HS6ST3: variants seen among roughly 807,000 people sequenced by gnomAD.
HS6ST3 encodes heparan-sulfate 6-O-sulfotransferase 3.
Under a neutral mutation model 36.7 loss-of-function variants are expected in HS6ST3, and 12 were observed. The ratio of observed to expected loss-of-function variants is 0.33; its 90% CI spans 0.21 to 0.53. HS6ST3 has a LOEUF of 0.53. Ranked by LOEUF, HS6ST3 falls within the 20% of genes least tolerant of loss-of-function variation. The probability of loss-of-function intolerance (pLI) is 0.95; values close to 1 mark genes in which losing one functional copy is unlikely to be tolerated. For synonymous variants in HS6ST3, 240 were observed against 257.5 expected, an observed-to-expected ratio of 0.93 and a Z score of 0.65; for missense variants, 584 against 640.9, an observed-to-expected ratio of 0.91 and a Z score of 0.96.
chr13:96,489,688 A>G (rs998925863), intron 1 of HS6ST3, among the ~76,000 whole-genome samples: 16 of 152,230 alleles, frequency 1.1e-4, no homozygotes, highest in African/African-American at 3.6e-4. Context: ...ACATTTTTTA[A>G]GAGTTTCCTA....
At chr13:96,124,425 C>T (rs1329280183) in intron 1 of HS6ST3, among the ~76,000 whole-genome samples, 4 of 151,994 alleles carry the variant, frequency 2.6e-5, no homozygotes, top group African/African-American at 9.7e-5. Flanking sequence ...TGACACATCT[C>T]CTTTCTTATT....
At chr13:96,197,587 G>A (rs1051824251) in intron 1 of HS6ST3, among the ~76,000 whole-genome samples, 10 of 152,284 alleles carry the variant, frequency 6.6e-5, no homozygotes, top group South Asian at 2.1e-4. Flanking sequence ...AGTCTCATCT[G>A]AGACAAGGCA....
rs373636978 is a variant in HS6ST3, at chr13:96,132,210, A to C, written c.707+40641A>C. Among the ~76,000 whole-genome samples, 26 of 151,708 alleles carry C rather than the reference A, an allele frequency of 1.7e-4. No homozygotes were observed. The East Asian group carries it at 3.7e-3, about 22-fold the overall frequency. Reference sequence around the variant, plus strand: ...TTTTTCCATTCATCTGTTGATAGACATGTGGGTTAATTCTGTATCTTAGCT... The same window carrying C: ...TTTTTCCATTCATCTGTTGATAGACCTGTGGGTTAATTCTGTATCTTAGCT... On this transcript the variant is annotated intron_variant, in intron 1 of 1. Transcript: ENST00000376705.
chr13:96,277,252 C>T (rs534636823), intron 1 of HS6ST3, among the ~76,000 whole-genome samples: 187 of 152,300 alleles, frequency 1.2e-3, no homozygotes, highest in African/African-American at 4.3e-3. Context: ...GCACAGTCTT[C>T]ATGGATCTAG....
At chr13:96,496,634 A>G (rs1245112114) in intron 1 of HS6ST3, among the ~76,000 whole-genome samples, 6 of 152,152 alleles carry the variant, frequency 3.9e-5, no homozygotes, top group African/African-American at 7.2e-5. Context: ...CAGACATGCC[A>G]ATGAAGAAGC....
At chr13:96,638,154 C>T (rs2139004835) in intron 1 of HS6ST3, among the ~76,000 whole-genome samples, 1 of 152,156 alleles carries the variant, frequency 6.6e-6, no homozygotes, top group Admixed American at 6.5e-5. Context: ...TGATGAGTTG[C>T]TCACACTACT....
intron 1 of HS6ST3, among the ~76,000 whole-genome samples, chr13:96,632,293 T>G (rs1261351756): frequency 6.8e-6 from 1 of 146,348 alleles, no homozygotes; most frequent in Non-Finnish European, 1.5e-5. Flanking sequence ...TCCAGAACTG[T>G]CAGAAATAAA....
intron 1 of HS6ST3, among the ~76,000 whole-genome samples, chr13:96,178,491 ACT>A (rs1187583908): frequency 1.1e-4 from 17 of 151,964 alleles, no homozygotes; most frequent in Non-Finnish European, 2.2e-4. Context: ...GGAACTATAC[ACT>A]GTGCTGGTAA....
At chr13:96,781,339 G>T (rs1398230804) in intron 1 of HS6ST3, among the ~76,000 whole-genome samples, 1 of 152,204 alleles carries the variant, frequency 6.6e-6, no homozygotes, top group African/African-American at 2.4e-5. Flanking sequence ...CAAAGCATGA[G>T]CTGGCTTTCA....
chr13:96,379,558 A>G (rs1486738979), intron 1 of HS6ST3, among the ~76,000 whole-genome samples: 1 of 152,228 alleles, frequency 6.6e-6, no homozygotes, highest in East Asian at 1.9e-4. Flanking sequence ...ATCTTGTCAT[A>G]GCAGCTGGAA....
intron 1 of HS6ST3, among the ~76,000 whole-genome samples, chr13:96,126,230 G>T (rs535054617): frequency 1.3e-5 from 2 of 152,174 alleles, no homozygotes; most frequent in South Asian, 4.2e-4. Flanking sequence ...TTCCAACCTA[G>T]TAGGGGCCAT....
chr13:96,225,900 C>T (rs1052984957), intron 1 of HS6ST3, among the ~76,000 whole-genome samples: 4 of 152,090 alleles, frequency 2.6e-5, no homozygotes, highest in Admixed American at 2.0e-4. Context: ...TATAAGCATG[C>T]CACCATTTAT....
chr13:96,782,354 A>G (rs1315264870), intron 1 of HS6ST3, among the ~76,000 whole-genome samples: 3 of 152,198 alleles, frequency 2.0e-5, no homozygotes, highest in Admixed American at 1.3e-4. Flanking sequence ...GTGCTAAGTA[A>G]GATAACTTTT....
In HS6ST3 at chr13:96,393,387, T is replaced by G. The variant is rs747804155; in HGVS notation, c.707+301818T>G. 2.6e-5 allele frequency among the ~76,000 whole-genome samples: 4 copies of G among 152,204 alleles called. No homozygotes were observed. In the East Asian group the frequency reaches 7.7e-4, roughly 29 times the overall value. On this transcript the variant is annotated intron_variant, in intron 1 of 1. Coordinates refer to ENST00000376705, the MANE Select transcript of HS6ST3 (RefSeq NM_153456.4). ...CAGGAAACTATTAAATGTGTGACAA[T>G]TTGATGTCCAATTTATAATAACTTA...
chr13:96,307,753 T>C (rs2054920823), intron 1 of HS6ST3, among the ~76,000 whole-genome samples: 1 of 152,108 alleles, frequency 6.6e-6, no homozygotes, highest in South Asian at 2.1e-4. Context: ...TTCATATACG[T>C]ATTTTCTTAA....
At chr13:96,328,518 C>G (rs1670620792) in intron 1 of HS6ST3, among the ~76,000 whole-genome samples, 1 of 151,876 alleles carries the variant, frequency 6.6e-6, no homozygotes, top group Non-Finnish European at 1.5e-5. Context: ...GCCTTGCATC[C>G]CAGGGATGAA....
intron 1 of HS6ST3, among the ~76,000 whole-genome samples, chr13:96,646,236 T>G (rs1241093649): frequency 7.2e-5 from 11 of 152,030 alleles, no homozygotes; most frequent in Admixed American, 7.2e-4. Context: ...TTGCCCTTTC[T>G]TTTTATGTGT....
intron 1 of HS6ST3, among the ~76,000 whole-genome samples, chr13:96,819,640 T>C (rs1878490382): frequency 6.6e-6 from 1 of 152,174 alleles, no homozygotes; most frequent in Non-Finnish European, 1.5e-5. Context: ...GCATAGTGTT[T>C]CTCATGAGAC....
rs2138555168 is a variant in HS6ST3, at chr13:96,837,724, A to G, written c.*4526A>G. 6.6e-6 allele frequency: 1 copy of G among 152,210 alleles called. No individual in the cohort carries two copies. The highest frequency in any genetic ancestry group is 6.5e-5 in the Admixed American group (1 of 15,278). The allele number at this position is 152,210 out of a possible 1,614,324, so 9.4% of individuals were successfully genotyped here. On this transcript the variant is annotated 3_prime_UTR_variant, in exon 2 of 2. Transcript: ENST00000376705. ...AGACCAAAACTCAGAGGAGGCATTC[A>G]AACACTTCTAGCAGGTTGTCTACTC...
Sources: allele counts gnomAD v4.1 joint callset (sites outside exome capture counted in the v4.1 genomes callset), GRCh38; gene constraint gnomAD v4.1.1; transcripts MANE v1.5; gene names NCBI Gene and HGNC (gene_info 2026-07-23, HGNC 2026-07-21).